LIPA: variants seen among roughly 807,000 people sequenced by gnomAD.
The protein encoded by LIPA is lipase A, lysosomal acid type.
LIPA carries 26 observed loss-of-function variants against 40.6 expected under a neutral mutation model. That is an observed-to-expected ratio of 0.64 (90% CI 0.47 to 0.89). The LOEUF is 0.89. LIPA is among the 40% of genes least tolerant of loss of function. The pLI is 0.00. For missense variants in LIPA, 455 were observed against 479.6 expected (o/e 0.95, Z 0.48); for synonymous variants, 188 against 168.4 (o/e 1.12, Z -0.90).
chr10:89,397,520 C>G (rs1280178018), intron 2 of LIPA, among the ~76,000 whole-genome samples: 1 of 152,066 alleles, frequency 6.6e-6, no homozygotes. Flanking sequence ...TTGCATTTCT[C>G]TAATGGCTAG....
At chr10:89,220,230 T>A (rs549510077) in intron 8 of LIPA, among the ~76,000 whole-genome samples, 44 of 152,278 alleles carry the variant, frequency 2.9e-4, no homozygotes, top group African/African-American at 1.0e-3. Flanking sequence ...GCCTGGCGTG[T>A]ACTGTGTGTG....
At chr10:89,351,092 G>C (rs1230099905) in intron 2 of LIPA, among the ~76,000 whole-genome samples, 2 of 152,202 alleles carry the variant, frequency 1.3e-5, no homozygotes, top group Non-Finnish European at 2.9e-5. Context: ...GAAGTGGGCG[G>C]ATCACTTGAG....
At chr10:89,326,831 A>T (rs1422936770) in intron 1 of LIPA, among the ~76,000 whole-genome samples, 1 of 152,258 alleles carries the variant, frequency 6.6e-6, no homozygotes, top group East Asian at 1.9e-4. Flanking sequence ...TCTGTAAAAC[A>T]TTTGAAGAGA....
intron 1 of LIPA, among the ~76,000 whole-genome samples, chr10:89,322,621 T>C (rs1843577962): frequency 6.8e-6 from 1 of 146,674 alleles, no homozygotes; most frequent in African/African-American, 2.5e-5. Context: ...CCAGACATTT[T>C]GGAGGGCAAC....
chr10:89,354,058 C>A (rs1483660149), intron 2 of LIPA, among the ~76,000 whole-genome samples: 1 of 152,174 alleles, frequency 6.6e-6, no homozygotes, highest in Non-Finnish European at 1.5e-5. Context: ...TCTCTCTTTG[C>A]CTTTTCCCCT....
chr10:89,277,117 A>G (rs1191039854), intron 1 of LIPA, among the ~76,000 whole-genome samples: 2 of 152,270 alleles, frequency 1.3e-5, no homozygotes, highest in Non-Finnish European at 2.9e-5. Flanking sequence ...AGAAGGAAGT[A>G]TCCAGGAAAT....
chr10:89,269,727 G>T (rs1302708833), intron 1 of LIPA, among the ~76,000 whole-genome samples: 1 of 152,154 alleles, frequency 6.6e-6, no homozygotes, highest in Non-Finnish European at 1.5e-5. Flanking sequence ...CTTACCAAAG[G>T]TTAATGTCCT....
intron 1 of LIPA, among the ~76,000 whole-genome samples, chr10:89,342,119 GGGTAACTGCAGCTAATGAA>G (rs1196092099): frequency 1.3e-5 from 2 of 152,040 alleles, no homozygotes; most frequent in East Asian, 1.9e-4. Flanking sequence ...GGCTAATGGG[GGGTAACTGCAGCTAATGAA>G]TAAACATCCA....
chr10:89,259,716 ATCT>A (rs1366567860), intron 1 of LIPA, among the ~76,000 whole-genome samples: 11 of 152,250 alleles, frequency 7.2e-5, no homozygotes, highest in South Asian at 6.2e-4. Flanking sequence ...AAGAATAATG[ATCT>A]TCTGATGCAC....
intron 3 of LIPA, among the ~76,000 whole-genome samples, chr10:89,244,350 G>T (rs867778108): frequency 1.3e-5 from 2 of 152,246 alleles, no homozygotes; most frequent in Middle Eastern, 6.8e-3. Flanking sequence ...AACAATTTGG[G>T]CAGGAATTGA....
At chr10:89,246,443 ATTTAAT>A (rs1422374809) in intron 2 of LIPA, among the ~76,000 whole-genome samples, 1 of 152,216 alleles carries the variant, frequency 6.6e-6, no homozygotes, top group African/African-American at 2.4e-5. Flanking sequence ...ACTTGAAAGA[ATTTAAT>A]TTTATCATTC....
At chr10:89,280,277 T>A (rs1290691899) in intron 1 of LIPA, among the ~76,000 whole-genome samples, 13 of 152,052 alleles carry the variant, frequency 8.5e-5, no homozygotes, top group African/African-American at 3.1e-4. Context: ...ATGCAAAAAA[T>A]TTAAGGGTAT....
rs771211379 is a variant in LIPA at position 89,392,679 on chromosome 10, AC to A, written c.61+20111del. The A allele has an allele frequency of 1.9e-6, 3 of 1,613,600 alleles. No homozygotes were observed. The East Asian group carries it at 6.7e-5, about 36-fold the overall frequency. On this transcript the variant is annotated intron_variant, in intron 2 of 8. Coordinates refer to the LIPA transcript ENST00000371837. ...TCTCAGAGGAGCCTGGCTAAGCAAA[AC>A]CCTGCAGAACGGCTGCCTAATTTAC... is the stretch of plus-strand genomic sequence containing the variant.
At chr10:89,377,315 T>G (rs1564802837) in intron 2 of LIPA, among the ~76,000 whole-genome samples, 1 of 152,212 alleles carries the variant, frequency 6.6e-6, no homozygotes, top group African/African-American at 2.4e-5. Flanking sequence ...ATTTAGATTT[T>G]TAACCCCCAT....
intron 2 of LIPA, among the ~76,000 whole-genome samples, chr10:89,411,783 C>T (rs1047093595): frequency 4.6e-5 from 7 of 152,078 alleles, no homozygotes; most frequent in African/African-American, 7.2e-5. Context: ...AGGGATAGCA[C>T]GAGATGCCAC....
intron 1 of LIPA, among the ~76,000 whole-genome samples, chr10:89,312,146 A>G (rs1843519980): frequency 6.6e-6 from 1 of 152,312 alleles, no homozygotes; most frequent in South Asian, 2.1e-4. Context: ...TCTTCTCCTA[A>G]TAATTCAACA....
intron 2 of LIPA, among the ~76,000 whole-genome samples, chr10:89,348,604 G>A (rs1196006285): frequency 6.6e-6 from 1 of 152,194 alleles, no homozygotes; most frequent in Non-Finnish European, 1.5e-5. Context: ...GCCATGCAAG[G>A]AGAATCCCGC....
chr10:89,412,910 G>T (rs1841486427), exon 2 of LIPA: 1 of 247,926 alleles, frequency 4.0e-6, no homozygotes. Context: ...AAGTCACCAA[G>T]ACCAAAAACC....
Position 89,396,206 on chromosome 10 carries a change from A to G in LIPA, c.61+16585T>C, listed in dbSNP as rs955806638. On this transcript the variant is annotated intron_variant, in intron 2 of 8. Transcript: ENST00000371837. The stretch of plus-strand genomic sequence containing the variant: ...TTTTCCACAGCAGCTGCATCATTTT[A>G]CATTCCCACCAGCAATGTATGAGGG... Among the ~76,000 whole-genome samples, 8 of 152,194 alleles carry G rather than the reference A, an allele frequency of 5.3e-5. No homozygotes were observed. In the East Asian group the frequency reaches 1.5e-3, roughly 29 times the overall value.
Sources: gnomAD v4.1 joint callset for allele counts (sites outside exome capture counted in the v4.1 genomes callset) on GRCh38, gnomAD v4.1.1 for gene constraint, MANE v1.5 for transcripts, NCBI Gene and HGNC (gene_info 2026-07-23, HGNC 2026-07-21) for gene names.